Variants in SGK1 observed in about 807,000 individuals in gnomAD.
SGK1 encodes serum/glucocorticoid regulated kinase 1, also known as serine/threonine-protein kinase Sgk1.
Under a neutral mutation model 64.2 loss-of-function variants are expected in SGK1, and 26 were observed. That is an observed-to-expected ratio of 0.40 (90% CI 0.30 to 0.56). SGK1 has a LOEUF of 0.56. Ranked by LOEUF, SGK1 falls within the 20% of genes least tolerant of loss-of-function variation. SGK1 has a pLI of 0.38. For missense variants in SGK1, 519 were observed against 645.6 expected (o/e 0.80, Z 2.12); for synonymous variants, 265 against 239.7 (o/e 1.11, Z -0.98).
At chr6:134,290,150 CAAAAAAAA>C (rs35039086) in intron 1 of SGK1, among the ~76,000 whole-genome samples, 5 of 75,924 alleles carry the variant, frequency 6.6e-5, no homozygotes, top group South Asian at 4.8e-4. Flanking sequence ...AGCTCCTTCT[CAAAAAAAA>C]AAAAAAAAAA....
chr6:134,206,361 ATATATATATATATATATATATATTT>A (rs1775774997), intron 3 of SGK1, among the ~76,000 whole-genome samples: 1 of 80,622 alleles, frequency 1.2e-5, no homozygotes, highest in Admixed American at 1.4e-4. Flanking sequence ...ATATATATAT[ATATATATATATATATATATATATTT>A]TTTTTTTTTT....
rs142471527 is a variant in SGK1 at position 134,298,124 on chromosome 6, T to G, written c.69+19268A>C. 1.4e-4 allele frequency: 191 copies of G among 1,342,564 alleles called. No individual in the cohort carries two copies. The African/African-American group carries it at 2.4e-3, about 17-fold the overall frequency. The allele number at this position is 1,342,564 out of a possible 1,614,324, so 83.2% of individuals were successfully genotyped here. On this transcript the variant is annotated intron_variant, in intron 1 of 13. Coordinates refer to ENST00000367858, the MANE Select transcript of SGK1 (RefSeq NM_001143676.3). ...CTTGTTCATGTAAGCTTCATCCACA[T>G]CCTTCTTGATGAGGACAGATTCATT...
intron 1 of SGK1, among the ~76,000 whole-genome samples, chr6:134,313,665 G>C (rs1367877225): frequency 1.3e-5 from 2 of 151,950 alleles, no homozygotes; most frequent in African/African-American, 4.8e-5. Flanking sequence ...CTTTGAAAGA[G>C]GGAAGTCAGA....
At chr6:134,250,710 C>T (rs1413275556) in intron 2 of SGK1, among the ~76,000 whole-genome samples, 1 of 152,156 alleles carries the variant, frequency 6.6e-6, no homozygotes. Flanking sequence ...CAAAGGTAAA[C>T]TTTAGGATTA....
At chr6:134,253,293 C>CTT (rs71003685) in intron 2 of SGK1, among the ~76,000 whole-genome samples, 17 of 144,464 alleles carry the variant, frequency 1.2e-4, no homozygotes, top group East Asian at 2.0e-4. Flanking sequence ...TTTTGTTTTT[C>CTT]TTTTTTTTTT....
In SGK1 at chr6:134,315,247, G is replaced by T. The variant is rs568746944; in HGVS notation, c.69+2145C>A. On this transcript the variant is annotated intron_variant, in intron 1 of 13. Coordinates refer to ENST00000367858, the MANE Select transcript of SGK1 (RefSeq NM_001143676.3). ...AGAATTTATCCCTGGGGCATTCAAT[G>T]ACTTGATACAAGGTCACCTTCTACT... Among the ~76,000 whole-genome samples, 70 of 152,076 alleles carry T rather than the reference G, an allele frequency of 4.6e-4. No homozygotes were observed. The South Asian group carries it at 5.4e-3, about 12-fold the overall frequency.
At chr6:134,295,444 C>T (rs1007476551) in intron 1 of SGK1, among the ~76,000 whole-genome samples, 11 of 152,224 alleles carry the variant, frequency 7.2e-5, no homozygotes, top group Non-Finnish European at 1.6e-4. Flanking sequence ...TGGCTCAAAC[C>T]TGTAATCCCA....
chr6:134,250,213 A>G (rs1776586818), intron 2 of SGK1, among the ~76,000 whole-genome samples: 1 of 152,208 alleles, frequency 6.6e-6, no homozygotes. Context: ...GGAAAAGCAA[A>G]CTAAAATGAT....
intron 2 of SGK1, among the ~76,000 whole-genome samples, chr6:134,222,574 G>A (rs1776106748): frequency 6.6e-6 from 1 of 151,890 alleles, no homozygotes; most frequent in African/African-American, 2.4e-5. Flanking sequence ...GACCTCAGGT[G>A]ATCCACCCAC....
At chr6:134,295,900 G>A (rs957912745) in intron 1 of SGK1, among the ~76,000 whole-genome samples, 2 of 152,190 alleles carry the variant, frequency 1.3e-5, no homozygotes, top group East Asian at 1.9e-4. Flanking sequence ...GGAACCCATG[G>A]CAATTTAGAA....
Position 134,232,417 on chromosome 6 carries a change from A to AAGAAAGAGAGAGAG in SGK1, c.286-24987_286-24986insCTCTCTCTCTTTCT, listed in dbSNP as rs1562259716. Among the ~76,000 whole-genome samples the AAGAAAGAGAGAGAG allele has an allele frequency of 8.0e-3, 172 of 21,544 alleles. 24 individuals carry two copies. The highest frequency in any genetic ancestry group is 0.02 in the South Asian group (5 of 246). 14.1% of individuals were successfully genotyped at this position (21,544 alleles called of 152,430 possible). On this transcript the variant is annotated intron_variant, in intron 2 of 13. Coordinates refer to ENST00000367858, the MANE Select transcript of SGK1 (RefSeq NM_001143676.3). Reference sequence around the variant, plus strand: ...GAAAGAAGAAAAAGAAAGAAAGAGAAAGAAAGAAAGAAAGAAAGAAAGAAA... The same window carrying AAGAAAGAGAGAGAG: ...GAAAGAAGAAAAAGAAAGAAAGAGAAAGAAAGAGAGAGAGAGAAAGAAAGAAAGAAAGAAAGAAA...
intron 3 of SGK1, among the ~76,000 whole-genome samples, chr6:134,175,130 G>C (rs896477522): frequency 6.6e-6 from 1 of 152,168 alleles, no homozygotes; most frequent in Non-Finnish European, 1.5e-5. Context: ...AGGAGAGAGA[G>C]AACGCGCCGG....
At chr6:134,307,348 G>A (rs748222256) in intron 1 of SGK1, among the ~76,000 whole-genome samples, 6 of 152,170 alleles carry the variant, frequency 3.9e-5, no homozygotes, top group Admixed American at 6.5e-5. Context: ...TTGTTTCTAC[G>A]TAACATTTAA....
intron 2 of SGK1, among the ~76,000 whole-genome samples, chr6:134,226,352 AG>A (rs1776178109): frequency 7.2e-6 from 1 of 138,522 alleles, no homozygotes; most frequent in Non-Finnish European, 1.6e-5. Flanking sequence ...TCATCCAAAA[AG>A]GTGTTTTTTT....
intron 1 of SGK1, among the ~76,000 whole-genome samples, chr6:134,264,087 C>G (rs1024095229): frequency 4.0e-5 from 6 of 151,804 alleles, no homozygotes; most frequent in African/African-American, 1.4e-4. Flanking sequence ...CACCTTGAAT[C>G]CAGAGTTTAT....
chr6:134,179,582 G>T (rs1775300970), intron 3 of SGK1, among the ~76,000 whole-genome samples: 1 of 149,852 alleles, frequency 6.7e-6, no homozygotes. Flanking sequence ...GGCAATGGTG[G>T]TTATTTAAAT....
intron 2 of SGK1, among the ~76,000 whole-genome samples, chr6:134,225,008 CAAAAAAA>C (rs779785039): frequency 2.5e-5 from 1 of 39,810 alleles, no homozygotes; most frequent in Non-Finnish European, 5.2e-5. Context: ...GACTCCATCT[CAAAAAAA>C]AAAAAAAAGA....
chr6:134,174,990 C>G, intron 3 of SGK1: 3 of 1,230,734 alleles, frequency 2.4e-6, no homozygotes, highest in Non-Finnish European at 3.3e-6. Flanking sequence ...TCGCGGTTTG[C>G]TGGCGGCTAC....
rs757580358 is a variant in SGK1, at chr6:134,190,287, CT to C, written c.362-15702del. Reference sequence around the variant, plus strand: ...TCATACATAGTTCCTTCCTTCCTTCCTTTTTTTTTTTTTTTTGAGATAGAGT... The same window carrying C: ...TCATACATAGTTCCTTCCTTCCTTCCTTTTTTTTTTTTTTTGAGATAGAGT... On this transcript the variant is annotated intron_variant, in intron 3 of 13. Transcript: ENST00000367858. Among the ~76,000 whole-genome samples, 381 of 135,482 alleles carry C rather than the reference CT, an allele frequency of 2.8e-3. 1 individual carries two copies. Among genetic ancestry groups the C allele is most frequent in the Non-Finnish European group, 2.3e-3 (147 of 63,042 alleles). 88.9% of individuals were successfully genotyped at this position (135,482 alleles called of 152,430 possible).
Sources: gnomAD v4.1 joint callset for allele counts (sites outside exome capture counted in the v4.1 genomes callset) on GRCh38, gnomAD v4.1.1 for gene constraint, MANE v1.5 for transcripts, NCBI Gene and HGNC (gene_info 2026-07-23, HGNC 2026-07-21) for gene names.